ATE1: variants seen among roughly 807,000 people sequenced by gnomAD.
The protein encoded by ATE1 is arginyltransferase 1.
In ATE1, 36 loss-of-function variants were observed where a neutral mutation model predicts 70.5. The ratio of observed to expected loss-of-function variants is 0.51; its 90% CI spans 0.39 to 0.67. The LOEUF is 0.67. Among genes scored for constraint, ATE1 ranks in the 30% least tolerant of loss-of-function variants. The pLI is 0.00. For synonymous variants in ATE1, 232 were observed against 219.3 expected, an observed-to-expected ratio of 1.06 and a Z score of -0.51; for missense variants, 593 against 629.5, an observed-to-expected ratio of 0.94 and a Z score of 0.62.
intron 11 of ATE1, among the ~76,000 whole-genome samples, chr10:121,750,808 T>G (rs1944549100): frequency 6.6e-6 from 1 of 152,226 alleles, no homozygotes; most frequent in Admixed American, 6.5e-5. Context: ...GGCAGATGGC[T>G]GGAGATAGCT....
intron 11 of ATE1, among the ~76,000 whole-genome samples, chr10:121,784,600 G>A (rs1946131844): frequency 6.6e-6 from 1 of 152,236 alleles, no homozygotes; most frequent in Non-Finnish European, 1.5e-5. Flanking sequence ...GCTCACGCCT[G>A]TGATCCCAGC....
chr10:121,854,543 G>A (rs1228898137), intron 8 of ATE1, among the ~76,000 whole-genome samples: 1 of 152,144 alleles, frequency 6.6e-6, no homozygotes, highest in Non-Finnish European at 1.5e-5. Flanking sequence ...CCAAAGAGAT[G>A]CTCATGCAGC....
At position 121,849,193 on chromosome 10, in the gene ATE1, A is replaced by G. The variant is rs1290706492; in HGVS notation, c.976-7930T>C. Reference sequence around the variant, plus strand: ...CCCATTGCACTCCAGCCTGGGTGACAGGATCAAAACTCCATCTCAAAAAAA... The same window carrying G: ...CCCATTGCACTCCAGCCTGGGTGACGGGATCAAAACTCCATCTCAAAAAAA... On this transcript the variant is annotated intron_variant, in intron 8 of 11. Transcript: ENST00000224652. Among the ~76,000 whole-genome samples the G allele has an allele frequency of 2.9e-5, 4 of 138,476 alleles. No homozygotes were observed. In the Admixed American group the frequency reaches 3.1e-4, roughly 11 times the overall value. 90.8% of individuals were successfully genotyped at this position (138,476 alleles called of 152,430 possible).
intron 11 of ATE1, among the ~76,000 whole-genome samples, chr10:121,750,243 G>A (rs1944526897): frequency 6.6e-6 from 1 of 152,144 alleles, no homozygotes; most frequent in African/African-American, 2.4e-5. Context: ...TTTCTTAGGT[G>A]ATCTTGAAGA....
chr10:121,883,808 T>C (rs1271593316), intron 7 of ATE1, among the ~76,000 whole-genome samples: 1 of 152,038 alleles, frequency 6.6e-6, no homozygotes, highest in East Asian at 1.9e-4. Context: ...ATGTCTAGTA[T>C]AAAAAGCACT....
At chr10:121,877,655 G>A (rs187156522) in intron 7 of ATE1, among the ~76,000 whole-genome samples, 18 of 103,950 alleles carry the variant, frequency 1.7e-4, no homozygotes, top group African/African-American at 4.8e-4. Flanking sequence ...CAATAAATAC[G>A]TAAAAAGCTC....
At chr10:121,820,462 C>G (rs1947749534) in intron 10 of ATE1, among the ~76,000 whole-genome samples, 1 of 152,140 alleles carries the variant, frequency 6.6e-6, no homozygotes, top group Non-Finnish European at 1.5e-5. Flanking sequence ...CGTTTGATAG[C>G]ACAATTATTA....
intron 7 of ATE1, among the ~76,000 whole-genome samples, chr10:121,888,843 C>CA (rs1445388974): frequency 6.6e-6 from 1 of 152,096 alleles, no homozygotes; most frequent in Non-Finnish European, 1.5e-5. Context: ...ATAGATAACT[C>CA]ACACTACCAT....
At chr10:121,894,182 A>C (rs1950686578) in intron 7 of ATE1, among the ~76,000 whole-genome samples, 1 of 151,984 alleles carries the variant, frequency 6.6e-6, no homozygotes, top group Non-Finnish European at 1.5e-5. Flanking sequence ...AAACATGGAC[A>C]TATCGAGGAA....
intron 10 of ATE1, among the ~76,000 whole-genome samples, chr10:121,823,536 A>G (rs1027435495): frequency 6.6e-6 from 1 of 152,204 alleles, no homozygotes; most frequent in Non-Finnish European, 1.5e-5. Context: ...TTGGAGGCAG[A>G]AAAGTTTCCG....
In ATE1 at chr10:121,927,929, A is replaced by AC. The variant is rs1952170414; in HGVS notation, c.20dup (p.Ser8PhefsTer10). 11 of 1,571,892 alleles carry AC rather than the reference A, an allele frequency of 7.0e-6. No homozygotes were observed. The highest frequency in any genetic ancestry group is 2.4e-5 in the East Asian group (1 of 40,942). ...GGAAATAGTCCACGACGCTGGGCGAACCCCCCGCCCAGAAAGCCATGGCCT... is the reference window on the plus strand; with the variant it reads ...GGAAATAGTCCACGACGCTGGGCGAACCCCCCCGCCCAGAAAGCCATGGCCT... On this transcript the variant is annotated frameshift_variant, in exon 1 of 12. Transcript: ENST00000224652. LOFTEE classifies it high-confidence loss of function.
intron 10 of ATE1, among the ~76,000 whole-genome samples, chr10:121,814,585 A>G (rs980768999): frequency 1.3e-5 from 2 of 152,202 alleles, no homozygotes; most frequent in African/African-American, 4.8e-5. Flanking sequence ...ATGGCATCTG[A>G]AAGTGTGAAG....
At chr10:121,921,956 A>T (rs1322029392) in intron 3 of ATE1, among the ~76,000 whole-genome samples, 1 of 152,214 alleles carries the variant, frequency 6.6e-6, no homozygotes, top group African/African-American at 2.4e-5. Context: ...AGGAGCCTGT[A>T]GCATTGCTTG....
intron 11 of ATE1, among the ~76,000 whole-genome samples, chr10:121,768,962 T>G (rs1945387578): frequency 6.6e-6 from 1 of 152,040 alleles, no homozygotes; most frequent in Admixed American, 6.6e-5. Context: ...CTAGTAAAGA[T>G]GTCAATTCTC....
intron 11 of ATE1, among the ~76,000 whole-genome samples, chr10:121,781,835 T>C (rs1380444213): frequency 6.6e-6 from 1 of 152,216 alleles, no homozygotes; most frequent in Admixed American, 6.5e-5. Context: ...CACAGAAGCA[T>C]GAACAAGCCA....
chr10:121,806,825 T>C (rs1294621319), intron 10 of ATE1, among the ~76,000 whole-genome samples: 1 of 152,226 alleles, frequency 6.6e-6, no homozygotes, highest in African/African-American at 2.4e-5. Context: ...CAGGTGAACG[T>C]ACACGGGTGT....
At chr10:121,849,458 G>A (rs1481903801) in intron 8 of ATE1, among the ~76,000 whole-genome samples, 1 of 152,236 alleles carries the variant, frequency 6.6e-6, no homozygotes, top group African/African-American at 2.4e-5. Context: ...TAACCAGTTT[G>A]TCCTACCATA....
At chr10:121,831,032 A>G (rs1006009280) in intron 10 of ATE1, among the ~76,000 whole-genome samples, 4 of 152,206 alleles carry the variant, frequency 2.6e-5, no homozygotes, top group Admixed American at 6.5e-5. Flanking sequence ...ATGAAACACT[A>G]TAATTCCTGA....
rs575505772 is a variant in ATE1 at position 121,762,895 on chromosome 10, C to A, written c.1379-19037G>T. Among the ~76,000 whole-genome samples, 19 of 152,296 alleles carry A rather than the reference C, an allele frequency of 1.2e-4. No individual in the cohort carries two copies. In the South Asian group the frequency reaches 2.5e-3, roughly 20 times the overall value. On this transcript the variant is annotated intron_variant, in intron 11 of 11. Coordinates refer to ENST00000224652, the MANE Select transcript of ATE1 (RefSeq NM_001001976.3). Reference sequence around the variant, plus strand: ...CCAGAAATATTCTGTAGGAACTTAACTCTTGTTTATATCAATTAAACCTAT... The same window carrying A: ...CCAGAAATATTCTGTAGGAACTTAAATCTTGTTTATATCAATTAAACCTAT...
Sources: allele counts gnomAD v4.1 joint callset (sites outside exome capture counted in the v4.1 genomes callset), GRCh38; gene constraint gnomAD v4.1.1; transcripts MANE v1.5; gene names NCBI Gene and HGNC (gene_info 2026-07-23, HGNC 2026-07-21).